IGSF3: variants seen among roughly 807,000 people sequenced by gnomAD.
The protein encoded by IGSF3 is glu-Trp-Ile EWI motif-containing protein 3.
IGSF3 carries 23 observed loss-of-function variants against 114.4 expected under a neutral mutation model. That is an observed-to-expected ratio of 0.20 (90% CI 0.14 to 0.28). IGSF3 has a LOEUF of 0.28. Among genes scored for constraint, IGSF3 ranks in the 10% least tolerant of loss-of-function variants. The pLI, the probability that IGSF3 is intolerant of heterozygous loss-of-function variation, is 1.00. For missense variants in IGSF3, 1,172 were observed against 1,591.5 expected (o/e 0.74, Z 4.48); for synonymous variants, 571 against 645.2 (o/e 0.88, Z 1.74).
rs1659939554 is a variant in IGSF3 at position 116,588,296 on chromosome 1, A to G, written c.2440+398T>C. Among the ~76,000 whole-genome samples, 2 of 152,336 alleles carry G rather than the reference A, an allele frequency of 1.3e-5. No homozygotes were observed. Among genetic ancestry groups the G allele is most frequent in the Middle Eastern group, 3.4e-3 (1 of 294 alleles). On this transcript the variant is annotated intron_variant, in intron 8 of 10. Coordinates refer to ENST00000369486, the MANE Select transcript of IGSF3 (RefSeq NM_001007237.3). The surrounding 1 kb of genome is among the most constrained non-coding windows in gnomAD (Gnocchi z 4.9). ...AAGGGGGATGCAGATGCATAAAACCAGAAAATGCCTTCTAGGTAGGAACTC... is the reference window on the plus strand; with the variant it reads ...AAGGGGGATGCAGATGCATAAAACCGGAAAATGCCTTCTAGGTAGGAACTC...
rs1458932778 is a variant in IGSF3, at chr1:116,576,494, A to C, written c.*818T>G. ...GCTAAAAGCAGCCCCTGCCCACTTT[A>C]ATTTGGAAAGTGTGTGCCGTTTGGG... On this transcript the variant is annotated 3_prime_UTR_variant, in exon 11 of 11. Coordinates refer to ENST00000369486, the MANE Select transcript of IGSF3 (RefSeq NM_001007237.3). This position sits in a 1 kb window ranked among gnomAD's most constrained non-coding sequence, Gnocchi z 4.6. 6.6e-6 allele frequency: 1 copy of C among 152,598 alleles called. No homozygotes were observed. The highest frequency in any genetic ancestry group is 1.5e-5 in the Non-Finnish European group (1 of 68,032). 9.5% of individuals were successfully genotyped at this position (152,598 alleles called of 1,614,324 possible). A position where few individuals can be genotyped will look rare whatever the true frequency, so the allele number is the denominator to read the frequency against.
rs1022585295 is a variant in IGSF3, at chr1:116,584,093, G to A, written c.2848+552C>T. On this transcript the variant is annotated intron_variant, in intron 9 of 10. Transcript: ENST00000369486. This position sits in a 1 kb window ranked among gnomAD's most constrained non-coding sequence, Gnocchi z 5.8. ...AGTCCCAGCTACTTGGGAGACTGAG[G>A]CAGGAGAATCACTTGAATCTGGGAG... Among the ~76,000 whole-genome samples the A allele has an allele frequency of 1.4e-4, 21 of 152,090 alleles. No homozygotes were observed. The highest frequency in any genetic ancestry group is 4.8e-4 in the African/African-American group (20 of 41,386).
rs1264117220 is a variant in IGSF3 at position 116,579,492 on chromosome 1, G to A, written c.3234C>T (p.Tyr1078=). ...GCAGCCACTCCTCCACATGGCAGGA[G>A]TAATTGCCTGTATCTTGGGGGCTTG... ...LQASPQDTGN[Y]SCHVEEWLPS... The change falls in exon 10 of 11, where the codon TAC becomes TAT. Residue 1078 remains tyrosine, a synonymous_variant. Transcript: ENST00000369486. The surrounding 1 kb of genome is among the most constrained non-coding windows in gnomAD (Gnocchi z 6.4). The A allele has an allele frequency of 1.1e-5, 18 of 1,613,964 alleles. No individual in the cohort carries two copies. Among genetic ancestry groups the A allele is most frequent in the Non-Finnish European group, 1.5e-5 (18 of 1,180,026 alleles).
At position 116,650,119 on chromosome 1, in the gene IGSF3, G is replaced by A. The variant is rs1648568127; in HGVS notation, c.43+16165C>T. The stretch of plus-strand genomic sequence containing the variant: ...GTGCTTTTTGATGATAATCTGAATG[G>A]TACAAGAAGAAATCCTGTTTCATGC... On this transcript the variant is annotated intron_variant, in intron 2 of 10. Transcript: ENST00000369486. The surrounding 1 kb of genome is among the most constrained non-coding windows in gnomAD (Gnocchi z 5.0). Among the ~76,000 whole-genome samples the A allele has an allele frequency of 6.6e-6, 1 of 152,146 alleles. No homozygotes were observed. The highest frequency in any genetic ancestry group is 6.5e-5 in the Admixed American group (1 of 15,274).
In IGSF3 at chr1:116,583,068, C is replaced by T. The variant is rs1397591723; in HGVS notation, c.2848+1577G>A. Reference sequence around the variant, plus strand: ...AGCCTGGGTGGTCACTCTGCCTGCACCTGCTGGCTGGGTGGTGATTCGCTC... The same window carrying T: ...AGCCTGGGTGGTCACTCTGCCTGCATCTGCTGGCTGGGTGGTGATTCGCTC... On this transcript the variant is annotated intron_variant, in intron 9 of 10. Coordinates refer to ENST00000369486, the MANE Select transcript of IGSF3 (RefSeq NM_001007237.3). The surrounding 1 kb of genome is among the most constrained non-coding windows in gnomAD (Gnocchi z 4.5). 1.3e-5 allele frequency among the ~76,000 whole-genome samples: 2 copies of T among 152,144 alleles called. No homozygotes were observed. The highest frequency in any genetic ancestry group is 6.5e-5 in the Admixed American group (1 of 15,284).
chr1:116,641,414 T>TGGACCCA (rs1159420789), intron 2 of IGSF3, among the ~76,000 whole-genome samples: 2 of 143,096 alleles, frequency 1.4e-5, no homozygotes, highest in Admixed American at 1.5e-4. Flanking sequence ...GAGAATCGCT[T>TGGACCCA]GGACCCAGGA....
At chr1:116,623,622 A>C (rs1406019588) in intron 2 of IGSF3, among the ~76,000 whole-genome samples, 2 of 151,960 alleles carry the variant, frequency 1.3e-5, no homozygotes, top group African/African-American at 4.8e-5. Flanking sequence ...CAGCAAGCCG[A>C]GATCGCACCA....
chr1:116,632,853 A>C lies in IGSF3; in HGVS notation c.44-16396T>G, dbSNP rs1647654189. Among the ~76,000 whole-genome samples, 1 of 152,176 alleles carries C rather than the reference A, an allele frequency of 6.6e-6. No homozygotes were observed. Among genetic ancestry groups the C allele is most frequent in the African/African-American group, 2.4e-5 (1 of 41,440 alleles). ...GAAAGGGGTTTTGAAAAAGTTCTAA[A>C]TCTCCATGGCTAGGGACAGTGACAT... is the stretch of plus-strand genomic sequence containing the variant. On this transcript the variant is annotated intron_variant, in intron 2 of 10. Coordinates refer to ENST00000369486, the MANE Select transcript of IGSF3 (RefSeq NM_001007237.3). The surrounding 1 kb of genome is among the most constrained non-coding windows in gnomAD (Gnocchi z 5.1).
rs781085393 is a variant in IGSF3 at position 116,633,169 on chromosome 1, G to A, written c.44-16712C>T. The stretch of plus-strand genomic sequence containing the variant: ...AGCTAAGAAGTTGGTCCCAGCCTGG[G>A]CATGGTACCACTGTCCTACATTCCA... On this transcript the variant is annotated intron_variant, in intron 2 of 10. Coordinates refer to ENST00000369486, the MANE Select transcript of IGSF3 (RefSeq NM_001007237.3). The surrounding 1 kb of genome is among the most constrained non-coding windows in gnomAD (Gnocchi z 4.3). 1.6e-4 allele frequency among the ~76,000 whole-genome samples: 25 copies of A among 152,304 alleles called. No individual in the cohort carries two copies. The highest frequency in any genetic ancestry group is 3.4e-3 in the Middle Eastern group (1 of 294).
At position 116,615,112 on chromosome 1, in the gene IGSF3, T is replaced by C. The variant is rs1172329735; in HGVS notation, c.422-937A>G. Among the ~76,000 whole-genome samples, 1 of 151,936 alleles carries C rather than the reference T, an allele frequency of 6.6e-6. No homozygotes were observed. The highest frequency in any genetic ancestry group is 1.5e-5 in the Non-Finnish European group (1 of 67,992). On this transcript the variant is annotated intron_variant, in intron 3 of 10. Coordinates refer to ENST00000369486, the MANE Select transcript of IGSF3 (RefSeq NM_001007237.3). This position sits in a 1 kb window ranked among gnomAD's most constrained non-coding sequence, Gnocchi z 4.3. Reference sequence around the variant, plus strand: ...CAACATGGAGAAACCCCGTCTCTACTAAAAATACAAAATTAGCCAGGCATG... The same window carrying C: ...CAACATGGAGAAACCCCGTCTCTACCAAAAATACAAAATTAGCCAGGCATG...
chr1:116,639,497 G>A (rs1647986802), intron 2 of IGSF3, among the ~76,000 whole-genome samples: 1 of 152,160 alleles, frequency 6.6e-6, no homozygotes, highest in Non-Finnish European at 1.5e-5. Flanking sequence ...ATGACAGAAG[G>A]AAGCTGCATC....
chr1:116,621,820 G>A (rs1661429833), intron 2 of IGSF3, among the ~76,000 whole-genome samples: 1 of 152,166 alleles, frequency 6.6e-6, no homozygotes, highest in Non-Finnish European at 1.5e-5. Context: ...TTTAGATTGG[G>A]TTTTGAAATC....
chr1:116,637,441 T>C lies in IGSF3; in HGVS notation c.44-20984A>G, dbSNP rs570280541. Among the ~76,000 whole-genome samples the C allele has an allele frequency of 1.8e-4, 27 of 152,196 alleles. No individual in the cohort carries two copies. In the South Asian group the frequency reaches 5.4e-3, roughly 30 times the overall value. On this transcript the variant is annotated intron_variant, in intron 2 of 10. Coordinates refer to ENST00000369486, the MANE Select transcript of IGSF3 (RefSeq NM_001007237.3). ...CCTGAAGGAGCTCATGTTCTATGGG[T>C]TCATTTCCTTTCCCTGTGTCTTACA...
In IGSF3 at chr1:116,650,240, T is replaced by C. The variant is rs187375579; in HGVS notation, c.43+16044A>G. ...ACAGTGAGGACAAAATGTATGGAGA[T>C]TGGACTGTTCAGTCTTCAGGGGCTT... is the stretch of plus-strand genomic sequence containing the variant. On this transcript the variant is annotated intron_variant, in intron 2 of 10. Transcript: ENST00000369486. This position sits in a 1 kb window ranked among gnomAD's most constrained non-coding sequence, Gnocchi z 5.0. Among the ~76,000 whole-genome samples the C allele has an allele frequency of 2.1e-4, 32 of 152,322 alleles. 1 individual carries two copies. The highest frequency in any genetic ancestry group is 1.9e-3 in the East Asian group (10 of 5,172).
Position 116,582,794 on chromosome 1 carries a change from T to A in IGSF3, c.2848+1851A>T, listed in dbSNP as rs1019753266. Reference sequence around the variant, plus strand: ...AAGACATGAGGCAAAGACCAAAAAATATACACCAAATTATTAATAGTAGAT... The same window carrying A: ...AAGACATGAGGCAAAGACCAAAAAAAATACACCAAATTATTAATAGTAGAT... On this transcript the variant is annotated intron_variant, in intron 9 of 10. Coordinates refer to ENST00000369486, the MANE Select transcript of IGSF3 (RefSeq NM_001007237.3). The surrounding 1 kb of genome is among the most constrained non-coding windows in gnomAD (Gnocchi z 4.7). Among the ~76,000 whole-genome samples, 2 of 152,210 alleles carry A rather than the reference T, an allele frequency of 1.3e-5. No individual in the cohort carries two copies. The highest frequency in any genetic ancestry group is 4.8e-5 in the African/African-American group (2 of 41,444).
rs1310377003 is a variant in IGSF3 at position 116,577,298 on chromosome 1, G to T, written c.*14C>A. 8 of 1,611,992 alleles carry T rather than the reference G, an allele frequency of 5.0e-6. No homozygotes were observed. In the Admixed American group the frequency reaches 5.0e-5, roughly 10 times the overall value. ...AGCTCCTCCGTGGCCAACATCCGCT[G>T]GGGCATCACCCGCTTAGTCTATGGC... On this transcript the variant is annotated 3_prime_UTR_variant, in exon 11 of 11. Transcript: ENST00000369486. This position sits in a 1 kb window ranked among gnomAD's most constrained non-coding sequence, Gnocchi z 5.7.
chr1:116,643,810 A>G (rs1269359933), intron 2 of IGSF3, among the ~76,000 whole-genome samples: 1 of 152,252 alleles, frequency 6.6e-6, no homozygotes, highest in Admixed American at 6.5e-5. Context: ...AGGATGCTGA[A>G]GTCCAGAAAG....
At chr1:116,602,620 GA>G (rs1204207671) in intron 6 of IGSF3, among the ~76,000 whole-genome samples, 1 of 152,156 alleles carries the variant, frequency 6.6e-6, no homozygotes, top group Non-Finnish European at 1.5e-5. Context: ...CTCTGTTAAG[GA>G]CAAAAACCAC....
At chr1:116,617,286 T>C (rs1029632822) in intron 2 of IGSF3, 1 of 980,344 alleles carries the variant, frequency 1.0e-6, no homozygotes, top group Non-Finnish European at 1.2e-6. Flanking sequence ...GCCTTCTCCA[T>C]GTTCTTCTTA....
Sources: gnomAD v4.1 joint callset for allele counts (sites outside exome capture counted in the v4.1 genomes callset) on GRCh38, gnomAD v4.1.1 for gene constraint, Gnocchi (gnomAD v3.1) non-coding constraint, MANE v1.5 for transcripts, NCBI Gene and HGNC (gene_info 2026-07-23, HGNC 2026-07-21) for gene names.